KCTD9: variants seen among roughly 807,000 people sequenced by gnomAD.
KCTD9 encodes potassium channel tetramerization domain containing 9.
KCTD9 carries 17 observed loss-of-function variants against 53.3 expected under a neutral mutation model. The ratio of observed to expected loss-of-function variants is 0.32; its 90% CI spans 0.22 to 0.48. KCTD9 has a LOEUF of 0.48. Among genes scored for constraint, KCTD9 ranks in the 20% least tolerant of loss-of-function variants. The pLI is 0.99. For missense variants in KCTD9, 179 were observed against 465.5 expected (o/e 0.38, Z 5.66); for synonymous variants, 128 against 162.7 (o/e 0.79, Z 1.62).
intron 1 of KCTD9, among the ~76,000 whole-genome samples, chr8:25,456,049 C>G (rs1802427475): frequency 1.3e-5 from 2 of 152,174 alleles, no homozygotes; most frequent in African/African-American, 2.4e-5. Flanking sequence ...TACATTCATT[C>G]AATACACAGA....
intron 1 of KCTD9, among the ~76,000 whole-genome samples, chr8:25,454,379 A>C (rs1035712903): frequency 6.6e-6 from 1 of 152,250 alleles, no homozygotes; most frequent in Admixed American, 6.5e-5. Context: ...ATCAGTATAC[A>C]AAAGGCCTAG....
chr8:25,436,593 C>T, intron 6 of KCTD9, 108 bp from the exon 7 acceptor site: 1 of 676,356 alleles, frequency 1.5e-6, no homozygotes, highest in Non-Finnish European at 2.4e-6. Flanking sequence ...CATTTAATTG[C>T]CTTTTTAAAT....
chr8:25,454,734 T>C (rs1384194554), intron 1 of KCTD9, among the ~76,000 whole-genome samples: 3 of 152,180 alleles, frequency 2.0e-5, no homozygotes, highest in African/African-American at 7.2e-5. Flanking sequence ...CACACCCCAT[T>C]GGTAACATAC....
chr8:25,444,462 A>C, intron 2 of KCTD9, 127 bp from the exon 3 acceptor site: 1 of 790,482 alleles, frequency 1.3e-6, no homozygotes, highest in Non-Finnish European at 2.0e-6. Flanking sequence ...TAGACTGCAA[A>C]GAAGCTAAGT....
At chr8:25,431,430 G>A (rs988048354) in intron 11 of KCTD9, among the ~76,000 whole-genome samples, 1 of 152,106 alleles carries the variant, frequency 6.6e-6, no homozygotes, top group Non-Finnish European at 1.5e-5. Context: ...CAATAAGATA[G>A]AGATTCCACT....
chr8:25,444,924 A>G (rs1163678729), intron 2 of KCTD9, among the ~76,000 whole-genome samples: 6 of 152,178 alleles, frequency 3.9e-5, no homozygotes, highest in Non-Finnish European at 7.4e-5. Context: ...GAATAAACAG[A>G]TATCTTATAG....
intron 3 of KCTD9, among the ~76,000 whole-genome samples, chr8:25,441,158 C>T (rs187913356): frequency 1.2e-4 from 18 of 146,294 alleles, no homozygotes; most frequent in Non-Finnish European, 2.7e-4. Flanking sequence ...AAGTTGAATG[C>T]AACAAAGACA....
At chr8:25,434,515 C>T (rs945522655) in intron 9 of KCTD9, among the ~76,000 whole-genome samples, 8 of 152,000 alleles carry the variant, frequency 5.3e-5, no homozygotes, top group South Asian at 2.1e-4. Context: ...GTCCTTCAAA[C>T]GTTTTTTTGA....
At chr8:25,448,957 C>T (rs1802267740) in intron 1 of KCTD9, among the ~76,000 whole-genome samples, 1 of 152,030 alleles carries the variant, frequency 6.6e-6, no homozygotes, top group Non-Finnish European at 1.5e-5. Context: ...AAAACATGTC[C>T]CCCATATTTC....
chr8:25,444,157 A>G (rs1586431749), intron 3 of KCTD9, 135 bp downstream of exon 3: 11 of 785,328 alleles, frequency 1.4e-5, no homozygotes, highest in Admixed American at 5.8e-5. Context: ...ATGCAGAATC[A>G]AAAAGTGTGA....
At chr8:25,453,212 C>G (rs994539566) in intron 1 of KCTD9, among the ~76,000 whole-genome samples, 8 of 151,922 alleles carry the variant, frequency 5.3e-5, no homozygotes, top group African/African-American at 1.9e-4. Flanking sequence ...CAAAAATTAG[C>G]TGGGAGTGGT....
chr8:25,441,176 C>CA (rs1305327627), intron 3 of KCTD9, among the ~76,000 whole-genome samples: 418 of 113,230 alleles, frequency 3.7e-3, no homozygotes, highest in Admixed American at 6.5e-3. Flanking sequence ...ACAACAGAGA[C>CA]AAAAAAAAAA....
At chr8:25,451,327 T>C (rs1040351516) in intron 1 of KCTD9, 1 of 152,218 alleles carries the variant, frequency 6.6e-6, no homozygotes, top group Non-Finnish European at 1.5e-5. Context: ...TTCTTCTTTA[T>C]ATAACTCTTT....
chr8:25,430,808 T>TACACACACAC (rs139075991), intron 11 of KCTD9, among the ~76,000 whole-genome samples: 79 of 145,580 alleles, frequency 5.4e-4, no homozygotes, highest in African/African-American at 1.8e-3. Flanking sequence ...ACATAATAAA[T>TACACACACAC]ACACACACAC....
chr8:25,453,219 T>G (rs1405387602), intron 1 of KCTD9, among the ~76,000 whole-genome samples: 1 of 149,278 alleles, frequency 6.7e-6, no homozygotes, highest in African/African-American at 2.5e-5. Context: ...TAGCTGGGAG[T>G]GGTGGCACGT....
intron 1 of KCTD9, among the ~76,000 whole-genome samples, chr8:25,451,247 A>G (rs1331072705): frequency 6.6e-6 from 1 of 152,248 alleles, no homozygotes; most frequent in African/African-American, 2.4e-5. Context: ...ATATATCAAC[A>G]TAAATTTGTC....
intron 1 of KCTD9, among the ~76,000 whole-genome samples, chr8:25,447,894 T>C (rs1586434818): frequency 6.6e-6 from 1 of 152,068 alleles, no homozygotes; most frequent in Admixed American, 6.6e-5. Flanking sequence ...TGAGAGGCTG[T>C]GGCAGGTGGA....
chr8:25,444,363 C>T (rs778426185), intron 2 of KCTD9, 28 bp from the exon 3 acceptor site: 2 of 1,593,822 alleles, frequency 1.3e-6, no homozygotes, highest in South Asian at 1.1e-5. Flanking sequence ...TAAAAAGCTA[C>T]CATCAAAATC....
chr8:25,451,951 A>G (rs564707711), intron 1 of KCTD9, among the ~76,000 whole-genome samples: 3 of 152,270 alleles, frequency 2.0e-5, no homozygotes, highest in African/African-American at 7.2e-5. Flanking sequence ...AATATTTTCT[A>G]ATCTGGCTGT....
Sources: allele counts gnomAD v4.1 joint callset (sites outside exome capture counted in the v4.1 genomes callset), GRCh38; gene constraint gnomAD v4.1.1; transcripts MANE v1.5; gene names NCBI Gene and HGNC (gene_info 2026-07-23, HGNC 2026-07-21).